AKAP19: variants seen among roughly 807,000 people sequenced by gnomAD.
The protein encoded by AKAP19 is A-kinase anchoring protein 19.
At chr2:190,141,310 T>A in the AKAP19 span, among the ~76,000 whole-genome samples, 1 of 152,200 alleles carries the variant, frequency 6.6e-6, no homozygotes, top group African/African-American at 2.4e-5. Context: ...GCTTCCACAT[T>A]TTTAGGTATC....
At chr2:190,044,587 C>T in the AKAP19 span, among the ~76,000 whole-genome samples, 1 of 152,162 alleles carries the variant, frequency 6.6e-6, no homozygotes, top group African/African-American at 2.4e-5. Context: ...CAAGCTGCTA[C>T]TGGCTCGATA....
the AKAP19 span, among the ~76,000 whole-genome samples, chr2:190,176,353 T>G: frequency 6.6e-6 from 1 of 152,156 alleles, no homozygotes; most frequent in African/African-American, 2.4e-5. This position sits in a 1 kb window ranked among gnomAD's most constrained non-coding sequence, Gnocchi z 4.7. Context: ...ATGAGACATT[T>G]TCTTTTTTTC....
At chr2:190,135,638 T>C in the AKAP19 span, among the ~76,000 whole-genome samples, 9 of 152,180 alleles carry the variant, frequency 5.9e-5, no homozygotes, top group Non-Finnish European at 1.3e-4. Flanking sequence ...CGGCTTACCG[T>C]GTTACCTTGG....
chr2:190,097,591 C>T, the AKAP19 span, among the ~76,000 whole-genome samples: 1 of 152,092 alleles, frequency 6.6e-6, no homozygotes, highest in Admixed American at 6.5e-5. Context: ...GGAGTCAATC[C>T]TCTCAAACTC....
At chr2:189,936,324 T>C in the AKAP19 span, among the ~76,000 whole-genome samples, 4 of 151,990 alleles carry the variant, frequency 2.6e-5, no homozygotes, top group African/African-American at 9.7e-5. Context: ...CAGTGCATTA[T>C]TGTTATAACT....
chr2:190,065,984 C>G, the AKAP19 span, among the ~76,000 whole-genome samples: 1 of 152,214 alleles, frequency 6.6e-6, no homozygotes, highest in Admixed American at 6.5e-5. Context: ...GTTCTTATCA[C>G]CAAGGAGACA....
At chr2:189,938,676 A>G in the AKAP19 span, among the ~76,000 whole-genome samples, 1 of 152,192 alleles carries the variant, frequency 6.6e-6, no homozygotes, top group Non-Finnish European at 1.5e-5. Flanking sequence ...ATAGTCAATA[A>G]TAATTTAATT....
the AKAP19 span, among the ~76,000 whole-genome samples, chr2:190,140,044 A>G: frequency 6.6e-6 from 1 of 152,180 alleles, no homozygotes; most frequent in Admixed American, 6.5e-5. Context: ...GCCAAAATGA[A>G]GGGGCTACAG....
chr2:190,194,477 T>TACACACACACACACACACAC, the AKAP19 span, among the ~76,000 whole-genome samples: 4 of 141,370 alleles, frequency 2.8e-5, no homozygotes, highest in Non-Finnish European at 6.2e-5. Flanking sequence ...ATCCTGTGTA[T>TACACACACACACACACACAC]ACACACACAC....
the AKAP19 span, chr2:189,923,198 C>T: frequency 4.1e-6 from 3 of 730,402 alleles, no homozygotes; most frequent in Admixed American, 5.4e-5. Context: ...GAAGACTGAG[C>T]GGTTGCGGCC....
the AKAP19 span, among the ~76,000 whole-genome samples, chr2:190,149,805 A>G: frequency 1.3e-5 from 2 of 152,156 alleles, no homozygotes; most frequent in Non-Finnish European, 2.9e-5. Flanking sequence ...TTGTTGGATG[A>G]AGTGTTCTGT....
the AKAP19 span, among the ~76,000 whole-genome samples, chr2:190,142,204 C>T: frequency 3.2e-4 from 48 of 152,250 alleles, no homozygotes; most frequent in African/African-American, 1.1e-3. Context: ...TCTTATCTGC[C>T]ATCCTGCAAA....
At chr2:190,036,131 G>C in the AKAP19 span, among the ~76,000 whole-genome samples, 3 of 152,110 alleles carry the variant, frequency 2.0e-5, no homozygotes, top group Non-Finnish European at 4.4e-5. Flanking sequence ...ATAAATCTTT[G>C]ATTTAAAGTA....
the AKAP19 span, among the ~76,000 whole-genome samples, chr2:190,170,996 T>A: frequency 6.6e-6 from 1 of 152,154 alleles, no homozygotes; most frequent in Non-Finnish European, 1.5e-5. Context: ...AAATTTTAAT[T>A]TAACTATCTG....
At chr2:189,948,601 CTA>C in the AKAP19 span, among the ~76,000 whole-genome samples, 1 of 151,974 alleles carries the variant, frequency 6.6e-6, no homozygotes, top group Admixed American at 6.5e-5. Context: ...CCATGTCTGT[CTA>C]TGTTACTACA....
the AKAP19 span, among the ~76,000 whole-genome samples, chr2:190,004,686 C>G: frequency 2.6e-5 from 4 of 151,756 alleles, no homozygotes; most frequent in Non-Finnish European, 5.9e-5. Flanking sequence ...TTTCACGGAA[C>G]CTTGCCCTCC....
At chr2:190,114,603 C>T in the AKAP19 span, among the ~76,000 whole-genome samples, 12 of 152,114 alleles carry the variant, frequency 7.9e-5, no homozygotes, top group South Asian at 1.7e-3. Flanking sequence ...CTACAGGCAC[C>T]CGCCACCATG....
chr2:190,046,846 C>T, the AKAP19 span, among the ~76,000 whole-genome samples: 2 of 152,118 alleles, frequency 1.3e-5, no homozygotes, highest in Non-Finnish European at 2.9e-5. Context: ...TTATATCCCA[C>T]ATTAAAAATA....
chr2:190,069,355 T>C, the AKAP19 span, among the ~76,000 whole-genome samples: 4 of 152,288 alleles, frequency 2.6e-5, no homozygotes, highest in African/African-American at 7.2e-5. Flanking sequence ...ACAATATAGA[T>C]TGAATTGGCA....
Sources: allele counts gnomAD v4.1 joint callset (sites outside exome capture counted in the v4.1 genomes callset), GRCh38; gene constraint gnomAD v4.1.1; non-coding constraint Gnocchi (gnomAD v3.1); transcripts MANE v1.5; gene names NCBI Gene and HGNC (gene_info 2026-07-23, HGNC 2026-07-21).